SRGAP1: variants seen among roughly 807,000 people sequenced by gnomAD.
SRGAP1 encodes the protein SLIT-ROBO Rho GTPase activating protein 1.
SRGAP1 carries 43 observed loss-of-function variants against 121.9 expected under a neutral mutation model. That is an observed-to-expected ratio of 0.35 (90% CI 0.28 to 0.46). The LOEUF (loss-of-function observed/expected upper bound fraction) is 0.46, where lower values mean the gene tolerates loss of function less well. Among genes scored for constraint, SRGAP1 ranks in the 20% least tolerant of loss-of-function variants. The pLI, the probability that SRGAP1 is intolerant of heterozygous loss-of-function variation, is 1.00. For synonymous variants in SRGAP1, 447 were observed against 485.4 expected (o/e 0.92, Z 1.04); for missense variants, 1,102 against 1,350.9 (o/e 0.82, Z 2.89).
intron 1 of SRGAP1, chr12:63,983,275 C>T (rs927839898): frequency 2.0e-5 from 3 of 152,152 alleles, no homozygotes; most frequent in African/African-American, 7.2e-5. Flanking sequence ...GCCATTCAAA[C>T]TCAAAAGGGA....
chr12:64,038,757 A>G (rs1464873018), intron 4 of SRGAP1: 2 of 152,218 alleles, frequency 1.3e-5, no homozygotes, highest in Non-Finnish European at 2.9e-5. Context: ...TTGAGGAAAA[A>G]TGGAGCAAGA....
At chr12:63,984,349 C>A (rs1180805460) in intron 2 of SRGAP1, among the ~76,000 whole-genome samples, 1 of 152,034 alleles carries the variant, frequency 6.6e-6, no homozygotes, top group African/African-American at 2.4e-5. Flanking sequence ...TTTTGTCTTT[C>A]CAATACATAT....
Position 63,896,903 on chromosome 12 carries a change from C to A in SRGAP1, c.67+52020C>A, listed in dbSNP as rs180871692. 1.1e-4 allele frequency among the ~76,000 whole-genome samples: 17 copies of A among 152,202 alleles called. No individual in the cohort carries two copies. The East Asian group carries it at 3.3e-3, about 29-fold the overall frequency. The stretch of plus-strand genomic sequence containing the variant: ...AAATTTGGGAAACCTAGTTCTGTGA[C>A]GAAATTACATTTAGAAAATACTTTA... On this transcript the variant is annotated intron_variant, in intron 1 of 21. Transcript: ENST00000355086.
At chr12:63,937,095 C>CAGAGAG (rs143621170) in intron 1 of SRGAP1, among the ~76,000 whole-genome samples, 1 of 152,118 alleles carries the variant, frequency 6.6e-6, no homozygotes, top group Non-Finnish European at 1.5e-5. Flanking sequence ...AGAAAAGCAG[C>CAGAGAG]AGAGAGTGAA....
chr12:63,952,403 C>G (rs1363099978), intron 1 of SRGAP1, among the ~76,000 whole-genome samples: 1 of 152,102 alleles, frequency 6.6e-6, no homozygotes, highest in Non-Finnish European at 1.5e-5. Context: ...ACAGTCTTAG[C>G]TACTGGAGAG....
chr12:64,078,957 A>G lies in SRGAP1; in HGVS notation c.1164A>G (p.Gln388=). 6.2e-7 allele frequency: 1 copy of G among 1,614,042 alleles called. No individual in the cohort carries two copies. Among genetic ancestry groups the G allele is most frequent in the Non-Finnish European group, 8.5e-7 (1 of 1,179,988 alleles). ...KTTEATLQTI[Q]DMVTIEDYDV... ...CTGAAGCCACCTTGCAGACGATACA[A>G]GATATGGTCACCATCGAGGACTATG... The change falls in exon 9 of 22, where the codon CAA becomes CAG. Residue 388 remains glutamine, a synonymous_variant. Transcript: ENST00000355086.
At chr12:64,075,635 A>G (rs955424666) in intron 8 of SRGAP1, among the ~76,000 whole-genome samples, 6 of 152,230 alleles carry the variant, frequency 3.9e-5, no homozygotes, top group African/African-American at 1.4e-4. Context: ...TCTACAAGCT[A>G]CAAGAGCCTA....
intron 4 of SRGAP1, among the ~76,000 whole-genome samples, chr12:64,017,262 A>G (rs910686982): frequency 2.0e-5 from 3 of 152,204 alleles, no homozygotes; most frequent in Non-Finnish European, 4.4e-5. Flanking sequence ...TATATACACA[A>G]TTAGCACACT....
chr12:64,060,898 G>A (rs1003097537), intron 6 of SRGAP1, among the ~76,000 whole-genome samples: 3 of 152,154 alleles, frequency 2.0e-5, no homozygotes, highest in African/African-American at 7.2e-5. Flanking sequence ...TATATGCCTA[G>A]AGCCTAGCAT....
intron 1 of SRGAP1, among the ~76,000 whole-genome samples, chr12:63,968,394 A>G (rs1434154833): frequency 1.3e-5 from 2 of 152,210 alleles, no homozygotes; most frequent in African/African-American, 4.8e-5. Context: ...TCAGAAAACA[A>G]AAATACCAGA....
intron 1 of SRGAP1, among the ~76,000 whole-genome samples, chr12:63,873,844 G>C (rs554817192): frequency 2.0e-5 from 3 of 151,282 alleles, no homozygotes; most frequent in African/African-American, 7.3e-5. Flanking sequence ...ACCTGGTAAC[G>C]TGACGAAACT....
chr12:64,054,591 T>A (rs957780570), intron 6 of SRGAP1, among the ~76,000 whole-genome samples: 1 of 152,182 alleles, frequency 6.6e-6, no homozygotes, highest in Non-Finnish European at 1.5e-5. Flanking sequence ...AGAGATCATG[T>A]TAAATGGGTT....
At chr12:64,073,314 G>T (rs576327572) in intron 8 of SRGAP1, among the ~76,000 whole-genome samples, 4 of 152,116 alleles carry the variant, frequency 2.6e-5, no homozygotes, top group Non-Finnish European at 2.9e-5. Flanking sequence ...TTGATTCTTC[G>T]TATATGTATT....
chr12:64,131,490 GA>G (rs2136642485), intron 21 of SRGAP1, among the ~76,000 whole-genome samples: 1 of 152,286 alleles, frequency 6.6e-6, no homozygotes, highest in East Asian at 1.9e-4. Context: ...GTCCTTCAGG[GA>G]TGTCCTAGAA....
At chr12:64,119,648 C>G (rs2036573558) in intron 18 of SRGAP1, among the ~76,000 whole-genome samples, 4 of 151,636 alleles carry the variant, frequency 2.6e-5, no homozygotes, top group African/African-American at 9.7e-5. Context: ...ACATTTAAAG[C>G]TGTCTGTTTT....
Position 64,005,507 on chromosome 12 carries a change from A to G in SRGAP1, c.427-11443A>G, listed in dbSNP as rs12297618. Among the ~76,000 whole-genome samples the G allele has an allele frequency of 6.9e-3, 1,053 of 152,244 alleles. 18 individuals are homozygous for G. The highest frequency in any genetic ancestry group is 0.024 in the African/African-American group (995 of 41,550). ...AATAAAAATTAAAAAATAGCTGGGCATGGTGGTGTACATCTGTAGTCCCAC... is the reference window on the plus strand; with the variant it reads ...AATAAAAATTAAAAAATAGCTGGGCGTGGTGGTGTACATCTGTAGTCCCAC... On this transcript the variant is annotated intron_variant, in intron 3 of 21. Transcript: ENST00000355086.
chr12:64,018,135 G>T (rs918699064), intron 4 of SRGAP1, among the ~76,000 whole-genome samples: 14 of 152,162 alleles, frequency 9.2e-5, no homozygotes, highest in African/African-American at 3.1e-4. Flanking sequence ...TGTCACCCAG[G>T]CTGGAGTGCA....
At chr12:64,082,343 A>T (rs914297418) in intron 10 of SRGAP1, among the ~76,000 whole-genome samples, 11 of 151,936 alleles carry the variant, frequency 7.2e-5, no homozygotes, top group African/African-American at 2.4e-4. Flanking sequence ...TCATTATTGG[A>T]TGGGGCTATA....
chr12:64,121,399 G>A (rs2036603874), intron 18 of SRGAP1, among the ~76,000 whole-genome samples: 1 of 152,096 alleles, frequency 6.6e-6, no homozygotes, highest in South Asian at 2.1e-4. Flanking sequence ...TTTCTAAAAT[G>A]TTGCTCTTTT....
Sources: gnomAD v4.1 joint callset for allele counts (sites outside exome capture counted in the v4.1 genomes callset) on GRCh38, gnomAD v4.1.1 for gene constraint, MANE v1.5 for transcripts, NCBI Gene and HGNC (gene_info 2026-07-23, HGNC 2026-07-21) for gene names.